The following CAMSAP3 variants were observed in gnomAD, a reference collection of about 807,000 sequenced individuals.
The protein encoded by CAMSAP3 is calmodulin-regulated spectrin-associated protein 3.
CAMSAP3 carries 34 observed loss-of-function variants against 112.5 expected under a neutral mutation model. The ratio of observed to expected loss-of-function variants is 0.30; its 90% confidence interval spans 0.23 to 0.40. The LOEUF is 0.40. Among genes scored for constraint, CAMSAP3 ranks in the 10% least tolerant of loss-of-function variants. CAMSAP3 has a pLI of 1.00. For synonymous variants in CAMSAP3, 868 were observed against 799.8 expected (o/e 1.09, Z -1.44); for missense variants, 1,602 against 1,770.3 (o/e 0.90, Z 1.71).
chr19:7,617,245 C>T lies in CAMSAP3; in HGVS notation c.3213-81C>T. 2 of 989,298 alleles carry T rather than the reference C, an allele frequency of 2.0e-6. No homozygotes were observed. Among genetic ancestry groups the T allele is most frequent in the South Asian group, 1.3e-5 (1 of 76,878 alleles). 61.3% of individuals were successfully genotyped at this position (989,298 alleles called of 1,614,324 possible). A position where few individuals can be genotyped will look rare whatever the true frequency, so the allele number is the denominator to read the frequency against. On this transcript the variant is annotated intron_variant, in intron 14 of 16. Coordinates refer to ENST00000160298, the MANE Select transcript of CAMSAP3 (RefSeq NM_020902.2). This position sits in a 1 kb window ranked among gnomAD's most constrained non-coding sequence, Gnocchi z 7.5. ...GCCCTTATTTTCCTTGGCCCCTCTG[C>T]ACATAGGGAAGCTTCCCATCTCTGA... is the stretch of plus-strand genomic sequence containing the variant.
rs1216948231 is a variant in CAMSAP3 at position 7,607,972 on chromosome 19, C to A, written c.622-154C>A. On this transcript the variant is annotated intron_variant, in intron 4 of 16. Transcript: ENST00000160298. This position sits in a 1 kb window ranked among gnomAD's most constrained non-coding sequence, Gnocchi z 4.9. Reference sequence around the variant, plus strand: ...TCCTCTGCCTCTTGCTGCTGCCCCTCCCCTGCTCCAGGCTGGCCCCCCAAC... The same window carrying A: ...TCCTCTGCCTCTTGCTGCTGCCCCTACCCTGCTCCAGGCTGGCCCCCCAAC... 1 of 931,270 alleles carries A rather than the reference C, an allele frequency of 1.1e-6. No individual in the cohort carries two copies. The highest frequency in any genetic ancestry group is 1.5e-5 in the South Asian group (1 of 68,778). 57.7% of individuals were successfully genotyped at this position (931,270 alleles called of 1,614,324 possible).
chr19:7,617,847 G>C lies in CAMSAP3; in HGVS notation c.3540G>C (p.Glu1180Asp). The C allele has an allele frequency of 6.2e-7, 1 of 1,613,976 alleles. No homozygotes were observed. Among genetic ancestry groups the C allele is most frequent in the East Asian group, 2.2e-5 (1 of 44,892 alleles). ...RALYTLSGETEELSRLAGYGP... is the reference protein window; with the variant it reads ...RALYTLSGETDELSRLAGYGP... ...TCTACACGCTGTCGGGGGAGACAGA[G>C]GAGCTGTCGCGGCTGGCAGGGTATG... is the stretch of plus-strand genomic sequence containing the variant. The change falls in exon 17 of 17, where the codon GAG (glutamate) becomes GAC (aspartate). Residue 1180 changes from glutamate to aspartate, a missense_variant. Glu to Asp is a conservative substitution (Grantham distance 45). Transcript: ENST00000160298. The surrounding 1 kb of genome is among the most constrained non-coding windows in gnomAD (Gnocchi z 7.5).
At chr19:7,606,167 C>CGG in intron 2 of CAMSAP3, 104 bp from the exon 3 acceptor site, 1 of 841,178 alleles carries the variant, frequency 1.2e-6, no homozygotes. Context: ...CCCCCCCCGT[C>CGG]AAGTCCCTCC....
chr19:7,605,369 C>A lies in CAMSAP3; in HGVS notation c.292C>A (p.Pro98Thr), dbSNP rs771373080. The A allele has an allele frequency of 1.3e-6, 2 of 1,589,690 alleles. No individual in the cohort carries two copies. The highest frequency in any genetic ancestry group is 1.7e-6 in the Non-Finnish European group (2 of 1,164,830). The change falls in exon 2 of 17, where the codon CCC becomes ACC. Residue 98 changes from proline to threonine, a missense_variant. Pro to Thr is a conservative substitution (Grantham distance 38). Transcript: ENST00000160298. ...WRQALPQLET[P>T]PNPSALLALL... is the part of the protein sequence containing the mutation. ...CCAGGCACTGCCACAGCTTGAAACA[C>A]CCCCCAACCCCTCTGCACTGCTGGC...
In CAMSAP3 at chr19:7,611,077, G is replaced by A. The variant is rs1279368384; in HGVS notation, c.1050-18G>A. Reference sequence around the variant, plus strand: ...AGGAGGTGGGGGTCCTGAGGCTGAAGTACGTCTCTCCGTACAGTTCTCCTG... The same window carrying A: ...AGGAGGTGGGGGTCCTGAGGCTGAAATACGTCTCTCCGTACAGTTCTCCTG... On this transcript the variant is annotated intron_variant, in intron 8 of 16. Coordinates refer to ENST00000160298, the MANE Select transcript of CAMSAP3 (RefSeq NM_020902.2). The surrounding 1 kb of genome is among the most constrained non-coding windows in gnomAD (Gnocchi z 6.9). 2 of 1,613,542 alleles carry A rather than the reference G, an allele frequency of 1.2e-6. No homozygotes were observed. Among genetic ancestry groups the A allele is most frequent in the African/African-American group, 1.3e-5 (1 of 74,910 alleles).
rs1464722214 is a variant in CAMSAP3, at chr19:7,615,623, G to A, written c.3016G>A (p.Gly1006Arg). 3 of 1,448,872 alleles carry A rather than the reference G, an allele frequency of 2.1e-6. No homozygotes were observed. Among genetic ancestry groups the A allele is most frequent in the South Asian group, 1.4e-5 (1 of 70,314 alleles). The allele number at this position is 1,448,872 out of a possible 1,614,324, so 89.8% of individuals were successfully genotyped here. Residue 1006 changes from glycine (G) to arginine (R), a missense_variant, in exon 13 of 17, where the codon GGG (glycine) becomes AGG (arginine). Physicochemically the swap from Gly to Arg is moderately radical, Grantham distance 125. This residue lies in a region of CAMSAP3 where 1,100 missense variants were observed against 1,135.7 expected (regional missense o/e 0.97). Coordinates refer to ENST00000160298, the MANE Select transcript of CAMSAP3 (RefSeq NM_020902.2). The surrounding 1 kb of genome is among the most constrained non-coding windows in gnomAD (Gnocchi z 6.5). ...GCTGCGGCCCCGGGCTGCGGGGTCC[G>A]GGGGTCCAGGTCGGGGCGGGCGGAG... ...KVLRPRAAGSGGPGRGGRRAT... is the reference protein window; with the variant it reads ...KVLRPRAAGSRGPGRGGRRAT...
chr19:7,599,584 AT>A (rs2029865669), intron 1 of CAMSAP3, among the ~76,000 whole-genome samples: 1 of 91,352 alleles, frequency 1.1e-5, no homozygotes, highest in Non-Finnish European at 2.1e-5. Flanking sequence ...CCATCCATCC[AT>A]CCACCCACCC....
In CAMSAP3 at chr19:7,617,661, G is replaced by A. The variant is rs547980673; in HGVS notation, c.3444G>A (p.Glu1148=). ...AACCGCAGAAGAATCGCATTCTGGA[G>A]GTGAGCCCGCCCACACGTGGGAGTT... The part of the protein sequence containing the change: ...VNEPQKNRIL[E]EIEKSKANHF... The change falls in exon 16 of 17, where the codon GAG becomes GAA. Residue 1148 remains glutamate, a splice_region_variant and synonymous_variant. Coordinates refer to ENST00000160298, the MANE Select transcript of CAMSAP3 (RefSeq NM_020902.2). This position sits in a 1 kb window ranked among gnomAD's most constrained non-coding sequence, Gnocchi z 7.5. 1.2e-6 allele frequency: 2 copies of A among 1,614,150 alleles called. No individual in the cohort carries two copies. The highest frequency in any genetic ancestry group is 3.3e-5 in the Admixed American group (2 of 60,030).
At chr19:7,597,951 C>G (rs1056392589) in intron 1 of CAMSAP3, among the ~76,000 whole-genome samples, 13 of 152,082 alleles carry the variant, frequency 8.5e-5, no homozygotes, top group Non-Finnish European at 1.6e-4. Context: ...TCAATCTGTT[C>G]CCTGTTCCAC....
Position 7,612,972 on chromosome 19 carries a change from C to T in CAMSAP3, c.2479C>T (p.Leu827Phe). 1 of 1,599,444 alleles carries T rather than the reference C, an allele frequency of 6.3e-7. No homozygotes were observed. Among genetic ancestry groups the T allele is most frequent in the South Asian group, 1.1e-5 (1 of 88,896 alleles). Residue 827 changes from leucine to phenylalanine, a missense_variant, in exon 11 of 17, where the codon CTC (leucine) becomes TTC (phenylalanine). Transcript: ENST00000160298. ...GCCCGTGCAGACGCGCTCTTCCATC[C>T]TCCTGGCGGAGGAGACGCCCCCCGA... ...QVPVQTRSSI[L>F]LAEETPPEEP...
rs1262443764 is a variant in CAMSAP3 at position 7,615,494 on chromosome 19, C to T, written c.2887C>T (p.Arg963Trp). The T allele has an allele frequency of 1.0e-5, 16 of 1,539,976 alleles. No individual in the cohort carries two copies. Among genetic ancestry groups the T allele is most frequent in the South Asian group, 1.2e-5 (1 of 83,808 alleles). The change falls in exon 13 of 17, where the codon CGG (arginine) becomes TGG (tryptophan). Residue 963 changes from arginine (R) to tryptophan (W), a missense_variant. By Grantham distance (101) the Arg-to-Trp change is moderately radical. Coordinates refer to ENST00000160298, the MANE Select transcript of CAMSAP3 (RefSeq NM_020902.2). The surrounding 1 kb of genome is among the most constrained non-coding windows in gnomAD (Gnocchi z 6.5). ...VPMATPAPAA[R>W]APAEEEVGPR... is the part of the protein sequence containing the mutation. ...GATGGCGACTCCAGCCCCTGCTGCC[C>T]GGGCTCCAGCCGAGGAGGAGGTGGG... is the stretch of plus-strand genomic sequence containing the variant.
At chr19:7,597,170 C>T (rs1467465019) in intron 1 of CAMSAP3, among the ~76,000 whole-genome samples, 1 of 152,148 alleles carries the variant, frequency 6.6e-6, no homozygotes, top group Non-Finnish European at 1.5e-5. Context: ...CCCCCCTCTC[C>T]CTGGCCTTCC....
Position 7,606,367 on chromosome 19 carries a change from C to T in CAMSAP3, c.499C>T (p.His167Tyr), listed in dbSNP as rs2146164255. The change falls in exon 3 of 17, where the codon CAC (histidine) becomes TAC (tyrosine). Residue 167 changes from histidine (H) to tyrosine (Y), a missense_variant. Physicochemically the swap from His to Tyr is moderately conservative, Grantham distance 83. Transcript: ENST00000160298. The part of the protein sequence containing the change: ...PGPLALTSLE[H>Y]KLLFWVDTTV... ...TCCCTTGGCCCTGACCAGCTTGGAG[C>T]ACAAGCTGCTTTTCTGGGTGGACAC... 4 of 1,613,794 alleles carry T rather than the reference C, an allele frequency of 2.5e-6. No homozygotes were observed. Among genetic ancestry groups the T allele is most frequent in the Non-Finnish European group, 2.5e-6 (3 of 1,179,964 alleles).
At chr19:7,603,477 A>T (rs1052852780) in intron 1 of CAMSAP3, among the ~76,000 whole-genome samples, 3 of 151,994 alleles carry the variant, frequency 2.0e-5, no homozygotes, top group Non-Finnish European at 2.9e-5. Flanking sequence ...GTTTTCCCAA[A>T]GTGCTGGGAT....
chr19:7,618,191 C>A lies in CAMSAP3; in HGVS notation c.*134C>A. 1 of 992,082 alleles carries A rather than the reference C, an allele frequency of 1.0e-6. No homozygotes were observed. Among genetic ancestry groups the A allele is most frequent in the Non-Finnish European group, 1.5e-6 (1 of 688,380 alleles). 61.5% of individuals were successfully genotyped at this position (992,082 alleles called of 1,614,324 possible). On this transcript the variant is annotated 3_prime_UTR_variant, in exon 17 of 17. Coordinates refer to ENST00000160298, the MANE Select transcript of CAMSAP3 (RefSeq NM_020902.2). ...TGGGGCTGGAGTCTCCACCCTCTGACTTTGAGTCCAGTCCTGCTGTGGGGG... is the reference window on the plus strand; with the variant it reads ...TGGGGCTGGAGTCTCCACCCTCTGAATTTGAGTCCAGTCCTGCTGTGGGGG...
intron 1 of CAMSAP3, among the ~76,000 whole-genome samples, chr19:7,602,025 C>T (rs1372791278): frequency 1.3e-5 from 2 of 151,844 alleles, no homozygotes; most frequent in Non-Finnish European, 2.9e-5. Flanking sequence ...GATGGCACCA[C>T]TGCACTCCAG....
At chr19:7,608,304 C>T in intron 5 of CAMSAP3, 40 bp downstream of exon 5, 1 of 1,586,808 alleles carries the variant, frequency 6.3e-7, no homozygotes, top group Non-Finnish European at 8.6e-7. Flanking sequence ...TGCCGGGGAG[C>T]TGGGCATCCT....
chr19:7,614,249 G>A (rs1329625496), intron 11 of CAMSAP3, among the ~76,000 whole-genome samples: 1 of 58,894 alleles, frequency 1.7e-5, no homozygotes, highest in Admixed American at 2.4e-4. Flanking sequence ...AACAGAGCGA[G>A]ACTCCATCTC....
Position 7,606,402 on chromosome 19 carries a change from G to T in CAMSAP3, c.525+9G>T. On this transcript the variant is annotated intron_variant, in intron 3 of 16. Coordinates refer to ENST00000160298, the MANE Select transcript of CAMSAP3 (RefSeq NM_020902.2). ...TTTTCTGGGTGGACACGGTAGGTGG[G>T]GTTGGGCCTGGGGTGGGTTCGGGGA... 6.2e-7 allele frequency: 1 copy of T among 1,613,460 alleles called. No homozygotes were observed. Among genetic ancestry groups the T allele is most frequent in the Non-Finnish European group, 8.5e-7 (1 of 1,180,012 alleles).
Sources: gnomAD v4.1 joint callset for allele counts (sites outside exome capture counted in the v4.1 genomes callset) on GRCh38, gnomAD v4.1.1 for gene constraint, gnomAD v4.1.1 regional missense constraint, Gnocchi (gnomAD v3.1) non-coding constraint, MANE v1.5 for transcripts, NCBI Gene and HGNC (gene_info 2026-07-23, HGNC 2026-07-21) for gene names.